The following SLC24A3 variants were observed in gnomAD, a reference collection of about 807,000 sequenced individuals.
SLC24A3 encodes sodium/potassium/calcium exchanger 3.
SLC24A3 carries 28 observed loss-of-function variants against 75.8 expected under a neutral mutation model. The observed-to-expected ratio is 0.37, with a 90% CI of 0.27 to 0.51. SLC24A3 has a LOEUF of 0.51. Ranked by LOEUF, SLC24A3 falls within the 20% of genes least tolerant of loss-of-function variation. The pLI is 0.94. For synonymous variants in SLC24A3, 372 were observed against 334.1 expected (o/e 1.11, Z -1.24); for missense variants, 663 against 847.8 (o/e 0.78, Z 2.71).
Position 19,556,880 on chromosome 20 carries a change from A to G in SLC24A3, c.349-23120A>G, listed in dbSNP as rs150757634. Among the ~76,000 whole-genome samples the G allele has an allele frequency of 1.2e-3, 190 of 152,260 alleles. 1 individual carries two copies. The highest frequency in any genetic ancestry group is 4.4e-3 in the African/African-American group (181 of 41,554). On this transcript the variant is annotated intron_variant, in intron 3 of 16. Transcript: ENST00000328041. Reference sequence around the variant, plus strand: ...CTTGTGGAAGCTGAATATTCCTTACACTTCTCAAAACAAAACCCATTTTTT... The same window carrying G: ...CTTGTGGAAGCTGAATATTCCTTACGCTTCTCAAAACAAAACCCATTTTTT...
At chr20:19,537,022 A>G (rs1174157545) in intron 3 of SLC24A3, among the ~76,000 whole-genome samples, 1 of 152,232 alleles carries the variant, frequency 6.6e-6, no homozygotes, top group African/African-American at 2.4e-5. Flanking sequence ...CAAAATTGAC[A>G]AATGGGATCT....
At position 19,714,571 on chromosome 20, in the gene SLC24A3, C is replaced by G. The variant is rs577980385; in HGVS notation, c.1720-2957C>G. 2.0e-5 allele frequency among the ~76,000 whole-genome samples: 3 copies of G among 152,274 alleles called. No homozygotes were observed. The South Asian group carries it at 6.2e-4, about 32-fold the overall frequency. On this transcript the variant is annotated intron_variant, in intron 15 of 16. Transcript: ENST00000328041. ...TCCTGGTGGAAGTACAAGGGTCAGA[C>G]AGCAAGGAGTAAATACAGGCTTTGA...
intron 9 of SLC24A3, among the ~76,000 whole-genome samples, chr20:19,680,520 G>GCATTCAGGTTCCATCACCAGGAGGCA (rs2032601555): frequency 6.6e-6 from 1 of 152,198 alleles, no homozygotes; most frequent in African/African-American, 2.4e-5. Flanking sequence ...GCAGCCATCA[G>GCATTCAGGTTCCATCACCAGGAGGCA]TGCTCAGTGT....
At chr20:19,454,976 C>T (rs967495184) in intron 2 of SLC24A3, among the ~76,000 whole-genome samples, 2 of 152,176 alleles carry the variant, frequency 1.3e-5, no homozygotes, top group African/African-American at 4.8e-5. Flanking sequence ...GTGTCACTCT[C>T]AGAACTCCTT....
intron 2 of SLC24A3, among the ~76,000 whole-genome samples, chr20:19,492,411 G>A (rs145197489): frequency 3.3e-4 from 51 of 152,302 alleles, no homozygotes; most frequent in East Asian, 1.7e-3. Flanking sequence ...CAGTGTGTTC[G>A]AAGGACCATT....
At chr20:19,235,722 C>T (rs1390036187) in intron 1 of SLC24A3, among the ~76,000 whole-genome samples, 3 of 152,220 alleles carry the variant, frequency 2.0e-5, no homozygotes, top group Non-Finnish European at 4.4e-5. Context: ...GACTGAGCTT[C>T]CTGCAGTAGC....
At chr20:19,498,376 G>A (rs1308812498) in intron 2 of SLC24A3, among the ~76,000 whole-genome samples, 1 of 152,124 alleles carries the variant, frequency 6.6e-6, no homozygotes, top group Non-Finnish European at 1.5e-5. Context: ...ATGCCAAAAA[G>A]GTTGGGGACT....
intron 3 of SLC24A3, among the ~76,000 whole-genome samples, chr20:19,564,177 G>C (rs1221708204): frequency 6.6e-6 from 1 of 152,200 alleles, no homozygotes; most frequent in East Asian, 1.9e-4. Context: ...CTGGGGTTTA[G>C]AGGAGTAGTA....
At chr20:19,662,633 G>T (rs2032341176) in intron 7 of SLC24A3, among the ~76,000 whole-genome samples, 1 of 152,244 alleles carries the variant, frequency 6.6e-6, no homozygotes, top group Non-Finnish European at 1.5e-5. Context: ...AGTCTAGAAA[G>T]AAATGATTTC....
intron 2 of SLC24A3, among the ~76,000 whole-genome samples, chr20:19,373,414 A>T (rs1413147489): frequency 6.6e-6 from 1 of 151,926 alleles, no homozygotes; most frequent in Non-Finnish European, 1.5e-5. Flanking sequence ...ACATTCGAGA[A>T]CCCTTTTCTC....
chr20:19,679,546 A>ACCGTG (rs568217775), intron 9 of SLC24A3, among the ~76,000 whole-genome samples: 60 of 128,620 alleles, frequency 4.7e-4, no homozygotes, highest in African/African-American at 6.9e-4. Flanking sequence ...GGAGGGGGAG[A>ACCGTG]GGGAGAGGGA....
chr20:19,413,062 C>T (rs1986772978), intron 2 of SLC24A3, among the ~76,000 whole-genome samples: 1 of 152,302 alleles, frequency 6.6e-6, no homozygotes, highest in African/African-American at 2.4e-5. Context: ...AACTGGGACA[C>T]TTCTAGGATC....
intron 6 of SLC24A3, among the ~76,000 whole-genome samples, chr20:19,613,680 G>A (rs1219886017): frequency 6.6e-6 from 1 of 152,226 alleles, no homozygotes; most frequent in Non-Finnish European, 1.5e-5. Flanking sequence ...CATGGCCAAT[G>A]TCTCCATTAC....
chr20:19,376,667 AC>A (rs1386757427), intron 2 of SLC24A3, among the ~76,000 whole-genome samples: 1 of 151,600 alleles, frequency 6.6e-6, no homozygotes, highest in Non-Finnish European at 1.5e-5. Flanking sequence ...AAGCAGAAAC[AC>A]TTGGAAGTCA....
intron 6 of SLC24A3, among the ~76,000 whole-genome samples, chr20:19,653,568 G>A (rs1487130851): frequency 6.6e-6 from 1 of 152,172 alleles, no homozygotes; most frequent in Non-Finnish European, 1.5e-5. Flanking sequence ...GCAGACGCTA[G>A]ACTCATGGCA....
intron 2 of SLC24A3, among the ~76,000 whole-genome samples, chr20:19,418,727 A>C (rs1230241102): frequency 2.0e-5 from 3 of 151,974 alleles, no homozygotes; most frequent in South Asian, 2.1e-4. Flanking sequence ...CTTTAAAAGA[A>C]TGAGATTCTT....
At chr20:19,351,935 G>T (rs75643914) in intron 2 of SLC24A3, among the ~76,000 whole-genome samples, 1,885 of 152,208 alleles carry the variant, frequency 0.012, 41 homozygotes, top group African/African-American at 0.043. Context: ...TCAAGTTCCT[G>T]GGTGTCATAG....
chr20:19,705,639 C>T (rs1047158488), intron 15 of SLC24A3, among the ~76,000 whole-genome samples: 2 of 152,118 alleles, frequency 1.3e-5, no homozygotes, highest in African/African-American at 4.8e-5. Flanking sequence ...ACATCAGAAC[C>T]GAGCAGCTAC....
intron 15 of SLC24A3, among the ~76,000 whole-genome samples, chr20:19,711,132 A>AACAC (rs79213522): frequency 1.9e-4 from 29 of 150,202 alleles, no homozygotes; most frequent in East Asian, 1.0e-3. Context: ...CATGCAGGCA[A>AACAC]ACACACACAC....
Sources: allele counts gnomAD v4.1 joint callset (sites outside exome capture counted in the v4.1 genomes callset), GRCh38; gene constraint gnomAD v4.1.1; transcripts MANE v1.5; gene names NCBI Gene and HGNC (gene_info 2026-07-23, HGNC 2026-07-21).